The following FBXL13 variants were observed in gnomAD, a reference collection of about 807,000 sequenced individuals.
FBXL13 encodes the protein F-box and leucine rich repeat protein 13.
A neutral mutation model predicts 83.6 loss-of-function variants in FBXL13; 67 were observed. That is an observed-to-expected ratio of 0.80 (90% confidence interval 0.66 to 0.98). The LOEUF (loss-of-function observed/expected upper bound fraction) is 0.98, where lower values mean the gene tolerates loss of function less well. Ranked by LOEUF, FBXL13 falls within the 50% of genes least tolerant of loss-of-function variation. The probability of loss-of-function intolerance (pLI) is 0.00; values close to 1 mark genes in which losing one functional copy is unlikely to be tolerated. For missense variants in FBXL13, 822 were observed against 866.5 expected (o/e 0.95, Z 0.64); for synonymous variants, 272 against 299.5 (o/e 0.91, Z 0.95).
chr7:102,821,897 T>TTAG, intron 19 of FBXL13, 143 bp downstream of exon 20: 2 of 888,750 alleles, frequency 2.3e-6, no homozygotes, highest in Non-Finnish European at 3.4e-6. Context: ...ACTCACAATG[T>TTAG]TAGCTTCAAT....
chr7:102,919,750 C>T (rs1816628703), intron 10 of FBXL13, among the ~76,000 whole-genome samples: 1 of 152,146 alleles, frequency 6.6e-6, no homozygotes, highest in African/African-American at 2.4e-5. Flanking sequence ...TCTGTTTATC[C>T]TCCAAGATAA....
intron 16 of FBXL13, among the ~76,000 whole-genome samples, chr7:102,876,511 T>A (rs1809285223): frequency 6.7e-6 from 1 of 150,260 alleles, no homozygotes; most frequent in African/African-American, 2.5e-5. Flanking sequence ...CCTAGACCAA[T>A]GAACAGATCT....
intron 6 of FBXL13, among the ~76,000 whole-genome samples, chr7:103,005,679 G>A (rs1790916887): frequency 6.6e-6 from 1 of 152,062 alleles, no homozygotes; most frequent in Admixed American, 6.5e-5. Flanking sequence ...TCTTAAAAGG[G>A]CGCCAGTTCT....
chr7:102,990,659 TGA>T (rs1829465576), intron 6 of FBXL13, among the ~76,000 whole-genome samples: 1 of 152,044 alleles, frequency 6.6e-6, no homozygotes, highest in South Asian at 2.1e-4. Context: ...TAACCAAGAC[TGA>T]GAGAGAGGAC....
exon 17 of FBXL13, chr7:102,854,859 C>A: frequency 6.5e-7 from 1 of 1,529,364 alleles, no homozygotes; most frequent in Non-Finnish European, 9.0e-7. Context: ...CACATTCAAA[C>A]CCTAAAAATA....
intron 6 of FBXL13, among the ~76,000 whole-genome samples, chr7:103,010,350 C>T (rs906276364): frequency 1.3e-5 from 2 of 152,062 alleles, no homozygotes; most frequent in African/African-American, 4.8e-5. Context: ...CCACCACCAC[C>T]AGCAGACAGG....
intron 6 of FBXL13, chr7:102,976,017 C>A: frequency 1.3e-6 from 1 of 766,442 alleles, no homozygotes; most frequent in South Asian, 1.3e-5. Context: ...CCCAGGTAAA[C>A]CCACGAGGCC....
chr7:103,017,058 A>G (rs1792439006), intron 6 of FBXL13, among the ~76,000 whole-genome samples: 1 of 152,214 alleles, frequency 6.6e-6, no homozygotes, highest in African/African-American at 2.4e-5. Flanking sequence ...CGAGTAGCCT[A>G]ACTGGGAGGC....
chr7:102,834,428 G>A (rs541530531), intron 17 of FBXL13, among the ~76,000 whole-genome samples: 1 of 141,802 alleles, frequency 7.1e-6, no homozygotes, highest in Admixed American at 7.1e-5. Flanking sequence ...ATATATATGT[G>A]TGATTATATA....
chr7:103,072,439 G>C (rs1290520548), intron 1 of FBXL13, among the ~76,000 whole-genome samples: 6 of 152,116 alleles, frequency 3.9e-5, no homozygotes. Context: ...CTCCTCTATG[G>C]GTGCAGAACA....
intron 6 of FBXL13, among the ~76,000 whole-genome samples, chr7:102,981,407 C>T (rs1235756779): frequency 5.5e-4 from 11 of 20,082 alleles, no homozygotes; most frequent in African/African-American, 1.4e-3. Context: ...ACCTTTCCCC[C>T]CCTTACCCAC....
chr7:102,822,410 C>T (rs754630644), intron 18 of FBXL13: 9 of 676,252 alleles, frequency 1.3e-5, no homozygotes, highest in South Asian at 1.2e-4. Flanking sequence ...GGAAGTCCCT[C>T]CTTATTTGCA....
chr7:102,885,707 G>A (rs1235515495), intron 11 of FBXL13, among the ~76,000 whole-genome samples: 1 of 152,100 alleles, frequency 6.6e-6, no homozygotes, highest in East Asian at 1.9e-4. Context: ...CCAAGGTCAT[G>A]AAGATTTACC....
intron 10 of FBXL13, among the ~76,000 whole-genome samples, chr7:102,914,849 G>C (rs1815509626): frequency 6.6e-6 from 1 of 152,194 alleles, no homozygotes; most frequent in South Asian, 2.1e-4. Context: ...TTTTGGAAAT[G>C]CGTTATCTTC....
intron 2 of FBXL13, chr7:103,031,235 C>G (rs1016297027): frequency 6.6e-6 from 1 of 152,286 alleles, no homozygotes; most frequent in Non-Finnish European, 1.5e-5. Flanking sequence ...CACATGGCTT[C>G]ACTTCCTCCA....
At chr7:102,882,906 C>A (rs1810297574) in intron 14 of FBXL13, among the ~76,000 whole-genome samples, 1 of 152,086 alleles carries the variant, frequency 6.6e-6, no homozygotes, top group Non-Finnish European at 1.5e-5. Context: ...AAATTCTTCA[C>A]AGAGGAAAAA....
At chr7:102,910,386 C>T (rs1814454706) in intron 11 of FBXL13, among the ~76,000 whole-genome samples, 1 of 148,546 alleles carries the variant, frequency 6.7e-6, no homozygotes, top group African/African-American at 2.5e-5. Flanking sequence ...CTTTTTCTTT[C>T]TTTTTTTTTT....
At chr7:103,071,392 T>A (rs922484355) in intron 1 of FBXL13, among the ~76,000 whole-genome samples, 4 of 152,070 alleles carry the variant, frequency 2.6e-5, no homozygotes, top group African/African-American at 9.7e-5. Context: ...TTTAATTTTT[T>A]ATTTTTTTAG....
At chr7:103,029,452 TAGA>T in intron 2 of FBXL13, 34 bp from the exon 4 acceptor site, 4 of 1,223,178 alleles carry the variant, frequency 3.3e-6, no homozygotes, top group Non-Finnish European at 3.4e-6. Flanking sequence ...TAACAAATAT[TAGA>T]AATAAATGGA....
Sources: allele counts gnomAD v4.1 joint callset (sites outside exome capture counted in the v4.1 genomes callset), GRCh38; gene constraint gnomAD v4.1.1; transcripts MANE v1.5; gene names NCBI Gene and HGNC (gene_info 2026-07-23, HGNC 2026-07-21).